The following ERC2 variants were observed in gnomAD, a reference collection of about 807,000 sequenced individuals.
ERC2 encodes ELKS/RAB6-interacting/CAST family member 2.
Under a neutral mutation model 114.8 loss-of-function variants are expected in ERC2, and 42 were observed. The ratio of observed to expected loss-of-function variants is 0.37; its 90% CI spans 0.29 to 0.47. The LOEUF (loss-of-function observed/expected upper bound fraction) is 0.47. ERC2 is among the 20% of genes least tolerant of loss of function. ERC2 has a pLI of 0.99. For synonymous variants in ERC2, 454 were observed against 425.5 expected (o/e 1.07, Z -0.82); for missense variants, 939 against 1,150.7 (o/e 0.82, Z 2.66).
At chr3:55,672,338 C>CAAA (rs546940629) in intron 17 of ERC2, among the ~76,000 whole-genome samples, 2 of 100,388 alleles carry the variant, frequency 2.0e-5, no homozygotes, top group Non-Finnish European at 4.0e-5. Context: ...GACCCTATCT[C>CAAA]AAAAAAAAAA....
intron 2 of ERC2, among the ~76,000 whole-genome samples, chr3:56,402,560 G>A (rs150035540): frequency 6.2e-4 from 95 of 152,280 alleles, no homozygotes; most frequent in Non-Finnish European, 1.2e-3. Context: ...CCCTAGGAGG[G>A]CTAGTGCAAC....
At chr3:56,398,805 G>A (rs1205138440) in intron 2 of ERC2, among the ~76,000 whole-genome samples, 1 of 152,130 alleles carries the variant, frequency 6.6e-6, no homozygotes, top group East Asian at 1.9e-4. Flanking sequence ...ATTTATTTGA[G>A]ACAGGATCTT....
chr3:56,082,791 G>T (rs907479166), intron 6 of ERC2, among the ~76,000 whole-genome samples: 23 of 152,294 alleles, frequency 1.5e-4, no homozygotes, highest in African/African-American at 5.1e-4. Flanking sequence ...CCAGCAGGAG[G>T]TGAGTGTCGG....
At chr3:55,614,432 A>T (rs187230632) in intron 17 of ERC2, among the ~76,000 whole-genome samples, 1 of 152,288 alleles carries the variant, frequency 6.6e-6, no homozygotes, top group East Asian at 1.9e-4. Context: ...ACTACTCTCC[A>T]GTTCTGCAAC....
chr3:55,918,173 A>C (rs770623198), intron 13 of ERC2, among the ~76,000 whole-genome samples: 5 of 152,274 alleles, frequency 3.3e-5, no homozygotes, highest in Non-Finnish European at 7.4e-5. Context: ...ACTTTCATTG[A>C]CCGAAGCTTG....
chr3:56,262,709 C>A (rs2053022166), intron 3 of ERC2, among the ~76,000 whole-genome samples: 1 of 152,172 alleles, frequency 6.6e-6, no homozygotes, highest in Non-Finnish European at 1.5e-5. Context: ...TCATTTCATA[C>A]CATTTAATTT....
At chr3:56,343,192 T>TCTCACACACACACACACA (rs1376220124) in intron 2 of ERC2, among the ~76,000 whole-genome samples, 92 of 126,208 alleles carry the variant, frequency 7.3e-4, no homozygotes, top group Non-Finnish European at 1.3e-3. Flanking sequence ...TCTCTCTCTC[T>TCTCACACACACACACACA]CACACACACA....
intron 2 of ERC2, among the ~76,000 whole-genome samples, chr3:56,352,918 C>CA (rs1056250033): frequency 8.6e-5 from 13 of 151,460 alleles, no homozygotes; most frequent in African/African-American, 2.7e-4. Context: ...TCAAATCTGG[C>CA]AAAAAAAAGA....
intron 12 of ERC2, among the ~76,000 whole-genome samples, chr3:55,970,183 G>C (rs527818722): frequency 7.2e-4 from 109 of 152,108 alleles, no homozygotes; most frequent in Non-Finnish European, 1.4e-3. Context: ...AAAGCTGTCA[G>C]CTAGTAATTT....
At chr3:55,994,565 A>G (rs1421243709) in intron 10 of ERC2, among the ~76,000 whole-genome samples, 2 of 147,992 alleles carry the variant, frequency 1.4e-5, no homozygotes, top group East Asian at 2.0e-4. Flanking sequence ...ATTTCATAAT[A>G]TGCATCCCAG....
intron 15 of ERC2, among the ~76,000 whole-genome samples, chr3:55,713,793 C>A (rs2063922956): frequency 6.6e-6 from 1 of 152,166 alleles, no homozygotes; most frequent in African/African-American, 2.4e-5. Context: ...GCTGTTCAAT[C>A]AACTATAAAT....
intron 3 of ERC2, among the ~76,000 whole-genome samples, chr3:56,235,059 C>A (rs551780695): frequency 2.6e-5 from 4 of 152,186 alleles, no homozygotes; most frequent in Non-Finnish European, 5.9e-5. Context: ...GCTTCCCGAT[C>A]TCTTTAGGGT....
chr3:56,169,359 T>C (rs1677128957), intron 4 of ERC2, among the ~76,000 whole-genome samples: 1 of 152,356 alleles, frequency 6.6e-6, no homozygotes, highest in East Asian at 1.9e-4. Context: ...GAAAACTCTA[T>C]GTATTTTCTT....
intron 17 of ERC2, among the ~76,000 whole-genome samples, chr3:55,624,776 T>C (rs552526374): frequency 2.0e-4 from 31 of 152,164 alleles, no homozygotes; most frequent in Middle Eastern, 6.8e-3. Flanking sequence ...ATGGTAACCA[T>C]GTCTGTGGTG....
chr3:55,831,804 T>C (rs2060609166), intron 14 of ERC2, among the ~76,000 whole-genome samples: 1 of 152,142 alleles, frequency 6.6e-6, no homozygotes, highest in Non-Finnish European at 1.5e-5. Context: ...GGGCGAGGCA[T>C]TGCCTCACTC....
intron 17 of ERC2, among the ~76,000 whole-genome samples, chr3:55,577,265 GA>G (rs34139635): frequency 6.9e-6 from 1 of 144,738 alleles, no homozygotes; most frequent in African/African-American, 2.5e-5. Flanking sequence ...CCTTCCCTAG[GA>G]AAAAAAAAGA....
intron 14 of ERC2, among the ~76,000 whole-genome samples, chr3:55,875,690 T>TCACACACACACACACACA (rs71621803): frequency 2.1e-5 from 3 of 144,638 alleles, no homozygotes; most frequent in African/African-American, 7.7e-5. Flanking sequence ...CTAAACTCAT[T>TCACACACACACACACACA]CACACACACA....
intron 6 of ERC2, among the ~76,000 whole-genome samples, chr3:56,085,462 T>C (rs2077455057): frequency 6.6e-6 from 1 of 152,136 alleles, no homozygotes. Context: ...GTGCCCCTTC[T>C]CACATAATAG....
At chr3:55,794,902 C>G (rs1176967754) in intron 14 of ERC2, among the ~76,000 whole-genome samples, 1 of 152,110 alleles carries the variant, frequency 6.6e-6, no homozygotes, top group East Asian at 1.9e-4. Flanking sequence ...ATTACATTTA[C>G]CAAATGTTTG....
Sources: allele counts gnomAD v4.1 joint callset (sites outside exome capture counted in the v4.1 genomes callset), GRCh38; gene constraint gnomAD v4.1.1; transcripts MANE v1.5; gene names NCBI Gene and HGNC (gene_info 2026-07-23, HGNC 2026-07-21).